Variants in FOXP1 observed in about 807,000 individuals in gnomAD.
FOXP1 encodes the protein forkhead box P1.
Under a neutral mutation model 98.2 loss-of-function variants are expected in FOXP1, and 15 were observed. That is an observed-to-expected ratio of 0.15 (90% CI 0.10 to 0.24). FOXP1 has a LOEUF of 0.24. Ranked by LOEUF, FOXP1 falls within the 10% of genes least tolerant of loss-of-function variation. FOXP1 has a pLI of 1.00. For synonymous variants in FOXP1, 371 were observed against 314.5 expected, an observed-to-expected ratio of 1.18 and a Z score of -1.90; for missense variants, 633 against 848.5, an observed-to-expected ratio of 0.75 and a Z score of 3.15.
rs994968784 is a variant in FOXP1 at position 71,087,230 on chromosome 3, A to G, written c.282+25306T>C. On this transcript the variant is annotated intron_variant, in intron 7 of 20. Transcript: ENST00000649528. The stretch of plus-strand genomic sequence containing the variant: ...ATGAGATCAAAAGACCAAGGCAGGA[A>G]AAGGGTTGCAGGTTAGCTCAGTTCT... Among the ~76,000 whole-genome samples the G allele has an allele frequency of 9.2e-5, 14 of 152,320 alleles. No homozygotes were observed. The South Asian group carries it at 2.7e-3, about 29-fold the overall frequency.
intron 3 of FOXP1, among the ~76,000 whole-genome samples, chr3:71,453,128 C>G (rs910219441): frequency 1.2e-4 from 19 of 152,154 alleles, no homozygotes; most frequent in African/African-American, 4.6e-4. Context: ...CGCATTACTT[C>G]CAGGACACAA....
At chr3:71,250,292 C>T (rs1253384121) in intron 5 of FOXP1, among the ~76,000 whole-genome samples, 1 of 152,222 alleles carries the variant, frequency 6.6e-6, no homozygotes, top group Non-Finnish European at 1.5e-5. Context: ...TCTAGAGCAT[C>T]ACTGCCCAAC....
chr3:71,105,504 G>A lies in FOXP1; in HGVS notation c.282+7032C>T, dbSNP rs543666345. Among the ~76,000 whole-genome samples the A allele has an allele frequency of 2.6e-5, 4 of 152,194 alleles. No individual in the cohort carries two copies. In the South Asian group the frequency reaches 8.3e-4, roughly 32 times the overall value. ...GGGAGTCACTCTCTTTTTCAACACT[G>A]GAGGTGTAAACCACAAGGTAAAATG... is the stretch of plus-strand genomic sequence containing the variant. On this transcript the variant is annotated intron_variant, in intron 7 of 20. Coordinates refer to ENST00000649528, the MANE Select transcript of FOXP1 (RefSeq NM_001349338.3).
intron 2 of FOXP1, among the ~76,000 whole-genome samples, chr3:71,494,019 A>AGCCGGGCGCGGTGGCTC (rs2091242004): frequency 6.6e-6 from 1 of 152,228 alleles, no homozygotes; most frequent in Non-Finnish European, 1.5e-5. Context: ...AACTAGTAGG[A>AGCCGGGCGCGGTGGCTC]AAGGTAATCA....
chr3:70,982,949 TTTCGGGCTCACAGAAC>T (rs1323073743), intron 14 of FOXP1, among the ~76,000 whole-genome samples: 2 of 152,246 alleles, frequency 1.3e-5, no homozygotes, highest in East Asian at 1.9e-4. Flanking sequence ...TAGTAGGGAC[TTTCGGGCTCACAGAAC>T]TTGTTTTTCT....
rs2107201324 is a variant in FOXP1 at position 70,972,665 on chromosome 3, A to G, written c.1542T>C (p.Arg514=). The change falls in exon 18 of 21, where the codon CGT becomes CGC. Residue 514 remains arginine, a synonymous_variant. Coordinates refer to ENST00000649528, the MANE Select transcript of FOXP1 (RefSeq NM_001349338.3). The stretch of plus-strand genomic sequence containing the variant: ...AACACTTGTGAAGACTAAGATTATG[A>G]CGCACTGCATTCTGCAGCAAGTATA... ...RNAATWKNAV[R]HNLSLHKCFV... is the part of the protein sequence containing the mutation. 20 of 1,614,098 alleles carry G rather than the reference A, an allele frequency of 1.2e-5. No individual in the cohort carries two copies. Among genetic ancestry groups the G allele is most frequent in the Non-Finnish European group, 1.7e-5 (20 of 1,179,940 alleles).
At chr3:71,466,081 A>G (rs1441740229) in intron 3 of FOXP1, among the ~76,000 whole-genome samples, 1 of 152,214 alleles carries the variant, frequency 6.6e-6, no homozygotes, top group Non-Finnish European at 1.5e-5. Context: ...TGCTGGACAG[A>G]TAAAACGAAA....
chr3:71,377,155 A>G (rs1261473232), intron 3 of FOXP1, among the ~76,000 whole-genome samples: 2 of 152,200 alleles, frequency 1.3e-5, no homozygotes, highest in African/African-American at 4.8e-5. Flanking sequence ...ATGCGAAGGT[A>G]CCCAAATTCT....
chr3:71,380,223 C>T (rs991289305), intron 3 of FOXP1, among the ~76,000 whole-genome samples: 1 of 152,116 alleles, frequency 6.6e-6, no homozygotes, highest in African/African-American at 2.4e-5. Context: ...GAAATGTGGA[C>T]CCCTAGTGGA....
intron 7 of FOXP1, among the ~76,000 whole-genome samples, chr3:71,105,962 A>G (rs1472996589): frequency 6.6e-6 from 1 of 152,212 alleles, no homozygotes; most frequent in East Asian, 1.9e-4. Context: ...TATGACACTC[A>G]GTAGGTGCTG....
At chr3:71,465,728 A>G (rs995060683) in intron 3 of FOXP1, among the ~76,000 whole-genome samples, 1 of 151,984 alleles carries the variant, frequency 6.6e-6, no homozygotes, top group Non-Finnish European at 1.5e-5. Context: ...GGGGTCCTTA[A>G]CCCCCAGGCC....
chr3:71,307,991 G>C (rs2074396277), intron 4 of FOXP1, among the ~76,000 whole-genome samples: 1 of 152,202 alleles, frequency 6.6e-6, no homozygotes, highest in Non-Finnish European at 1.5e-5. Context: ...CTTGCTGAAA[G>C]AGCGCCGGAT....
At chr3:71,245,998 ACC>A (rs55660633) in intron 5 of FOXP1, among the ~76,000 whole-genome samples, 10 of 132,176 alleles carry the variant, frequency 7.6e-5, no homozygotes, top group South Asian at 2.5e-4. Flanking sequence ...TACGAAAACC[ACC>A]CCCCCCCCAC....
rs60664354 is a variant in FOXP1 at position 71,005,314 on chromosome 3, T to TAAAAAA, written c.975-4261_975-4256dup. ...GGTGGAGAGAAACAAATACCTGATT[T>TAAAAAA]AAAAAAAAAAAAAAAAAAAAAAAAA... On this transcript the variant is annotated intron_variant, in intron 12 of 20. Transcript: ENST00000649528. Among the ~76,000 whole-genome samples the TAAAAAA allele has an allele frequency of 1.4e-3, 36 of 25,264 alleles. 5 individuals are homozygous for TAAAAAA. The Admixed American group carries it at 0.016, about 11-fold the overall frequency. The allele number at this position is 25,264 out of a possible 152,430, so 16.6% of individuals were successfully genotyped here.
At chr3:71,542,359 TA>T (rs1560632822) in intron 2 of FOXP1, among the ~76,000 whole-genome samples, 1 of 151,988 alleles carries the variant, frequency 6.6e-6, no homozygotes, top group East Asian at 1.9e-4. Context: ...CAAACCACAA[TA>T]AAAAGAAAAA....
intron 14 of FOXP1, among the ~76,000 whole-genome samples, chr3:70,978,954 T>G (rs2038181381): frequency 6.6e-6 from 1 of 152,070 alleles, no homozygotes; most frequent in Admixed American, 6.6e-5. Flanking sequence ...GAAATGAATA[T>G]TACTTATTTG....
chr3:71,390,337 G>C (rs543106328), intron 3 of FOXP1, among the ~76,000 whole-genome samples: 2 of 152,060 alleles, frequency 1.3e-5, no homozygotes, highest in African/African-American at 4.8e-5. Context: ...GGATTCTAAG[G>C]GCCAAGAGGT....
At chr3:71,563,297 C>T (rs1240852491) in intron 2 of FOXP1, among the ~76,000 whole-genome samples, 2 of 152,120 alleles carry the variant, frequency 1.3e-5, no homozygotes. Context: ...GTACATATGA[C>T]CCACTTCTGA....
In FOXP1 at chr3:70,959,395, G is replaced by A. The variant is rs748164903; in HGVS notation, c.1890-4C>T. 6.8e-5 allele frequency: 109 copies of A among 1,613,760 alleles called. No homozygotes were observed. Among genetic ancestry groups the A allele is most frequent in the Non-Finnish European group, 8.6e-5 (101 of 1,179,952 alleles). On this transcript the variant is annotated splice_region_variant and splice_polypyrimidine_tract_variant and intron_variant, in intron 20 of 20. Coordinates refer to ENST00000649528, the MANE Select transcript of FOXP1 (RefSeq NM_001349338.3). Reference sequence around the variant, plus strand: ...TTCTTTGACGTGTACAGGATGCCTGGAAAAAATATGCAGAGGTTCAGTGAG... The same window carrying A: ...TTCTTTGACGTGTACAGGATGCCTGAAAAAAATATGCAGAGGTTCAGTGAG...
Sources: gnomAD v4.1 joint callset for allele counts (sites outside exome capture counted in the v4.1 genomes callset) on GRCh38, gnomAD v4.1.1 for gene constraint, MANE v1.5 for transcripts, NCBI Gene and HGNC (gene_info 2026-07-23, HGNC 2026-07-21) for gene names.